SPTB: variants seen among roughly 807,000 people sequenced by gnomAD.
SPTB encodes the protein spectrin beta, erythrocytic, also known as spectrin beta chain, erythrocytic.
A neutral mutation model predicts 256.2 loss-of-function variants in SPTB; 45 were observed. The ratio of observed to expected loss-of-function variants is 0.18; its 90% CI spans 0.14 to 0.23. The LOEUF is 0.23. SPTB is among the 10% of genes least tolerant of loss of function. The pLI, the probability that SPTB is intolerant of heterozygous loss-of-function variation, is 1.00. For synonymous variants in SPTB, 1,231 were observed against 1,243.1 expected, an observed-to-expected ratio of 0.99 and a Z score of 0.21; for missense variants, 2,715 against 3,040.4, an observed-to-expected ratio of 0.89 and a Z score of 2.52.
At position 64,806,352 on chromosome 14, in the gene SPTB, G is replaced by C. The variant is rs1287782561; in HGVS notation, c.149-1262C>G. 6.6e-6 allele frequency among the ~76,000 whole-genome samples: 1 copy of C among 152,192 alleles called. No individual in the cohort carries two copies. The highest frequency in any genetic ancestry group is 1.5e-5 in the Non-Finnish European group (1 of 68,030). On this transcript the variant is annotated intron_variant, in intron 2 of 35. Coordinates refer to ENST00000644917, the MANE Select transcript of SPTB (RefSeq NM_001355436.2). The surrounding 1 kb of genome is among the most constrained non-coding windows in gnomAD (Gnocchi z 4.1). ...AGTGAGGCTGGGCCTGAGGGTTGTG[G>C]AGGATCCCTGGGGAGGGTACATGGC...
Position 64,749,119 on chromosome 14 carries a change from T to TGGAGGGGGCGTCG in SPTB, c.*174_*186dup, listed in dbSNP as rs2081898711. On this transcript the variant is annotated 3_prime_UTR_variant, in exon 36 of 36. Transcript: ENST00000644917. The surrounding 1 kb of genome is among the most constrained non-coding windows in gnomAD (Gnocchi z 4.7). Reference sequence around the variant, plus strand: ...AGCGGAGCCAGCGCGGGCGAGGGCATGGAGGGGGCGTCGGCCCAGGACACG... The same window carrying TGGAGGGGGCGTCG: ...AGCGGAGCCAGCGCGGGCGAGGGCATGGAGGGGGCGTCGGGAGGGGGCGTCGGCCCAGGACACG... 3.3e-6 allele frequency: 2 copies of TGGAGGGGGCGTCG among 601,888 alleles called. No homozygotes were observed. Among genetic ancestry groups the TGGAGGGGGCGTCG allele is most frequent in the Non-Finnish European group, 5.4e-6 (2 of 367,028 alleles). The allele number at this position is 601,888 out of a possible 1,614,324, so 37.3% of individuals were successfully genotyped here.
intron 32 of SPTB, chr14:64,755,605 TAC>T (rs749258081): frequency 6.6e-6 from 1 of 152,188 alleles, no homozygotes; most frequent in Non-Finnish European, 1.5e-5. Flanking sequence ...CCCAAGGTTA[TAC>T]TGTCGGAGTA....
chr14:64,879,069 G>A (rs2139841898), intron 1 of SPTB, among the ~76,000 whole-genome samples: 1 of 152,330 alleles, frequency 6.6e-6, no homozygotes, highest in African/African-American at 2.4e-5. Flanking sequence ...TCAAGACCAA[G>A]TTAGAGGAAG....
rs1340521360 is a variant in SPTB at position 64,772,626 on chromosome 14, C to G, written c.5507G>C (p.Arg1836Pro). The change falls in exon 26 of 36, where the codon CGG (arginine) becomes CCG (proline). Residue 1836 changes from arginine to proline, a missense_variant. By Grantham distance (103) the Arg-to-Pro change is moderately radical. Around this residue, in one of 4 missense-constraint regions of SPTB, gnomAD observed 2,239 missense variants for 2,384.4 expected, o/e 0.94. Coordinates refer to ENST00000644917, the MANE Select transcript of SPTB (RefSeq NM_001355436.2). The surrounding 1 kb of genome is among the most constrained non-coding windows in gnomAD (Gnocchi z 5.4). ...CTCCCGCTCGAAGGCTGTGTGCACC[C>G]GGTGGAAGGACTCGGCCGTGCTGGC... ...LDASTAESFH[R>P]VHTAFERELH... 6.2e-7 allele frequency: 1 copy of G among 1,612,538 alleles called. No homozygotes were observed. The highest frequency in any genetic ancestry group is 1.3e-5 in the African/African-American group (1 of 75,062).
intron 1 of SPTB, among the ~76,000 whole-genome samples, chr14:64,851,765 A>G (rs1006466793): frequency 2.0e-5 from 3 of 152,162 alleles, no homozygotes; most frequent in Non-Finnish European, 4.4e-5. Flanking sequence ...ACGCAGGAAT[A>G]GAAAACCAAA....
chr14:64,835,662 G>C (rs982084309), intron 1 of SPTB, among the ~76,000 whole-genome samples: 1 of 152,184 alleles, frequency 6.6e-6, no homozygotes, highest in Non-Finnish European at 1.5e-5. Context: ...CTAGTTACCA[G>C]CTCCTGCTGT....
rs1182270909 is a variant in SPTB at position 64,823,140 on chromosome 14, G to A, written c.-46C>T. The A allele has an allele frequency of 6.2e-7, 1 of 1,611,798 alleles. No individual in the cohort carries two copies. The highest frequency in any genetic ancestry group is 1.7e-5 in the Admixed American group (1 of 60,020). ...TCCGCCTGCCTCAGTCTTCATGGAAGGATCCCTGGGGGACAGCAACACAGT... is the reference window on the plus strand; with the variant it reads ...TCCGCCTGCCTCAGTCTTCATGGAAAGATCCCTGGGGGACAGCAACACAGT... On this transcript the variant is annotated 5_prime_UTR_variant, in exon 2 of 36. Coordinates refer to ENST00000644917, the MANE Select transcript of SPTB (RefSeq NM_001355436.2). The surrounding 1 kb of genome is among the most constrained non-coding windows in gnomAD (Gnocchi z 6.5).
rs1240526609 is a variant in SPTB at position 64,852,965 on chromosome 14, G to C, written c.-52+26827C>G. 1.3e-5 allele frequency among the ~76,000 whole-genome samples: 2 copies of C among 152,202 alleles called. No homozygotes were observed. The highest frequency in any genetic ancestry group is 2.9e-5 in the Non-Finnish European group (2 of 68,034). ...CAGAGTGCTGCCGAGGAGACGTATA[G>C]GTACTAGGCAAGCATTAACAGGGAG... On this transcript the variant is annotated intron_variant, in intron 1 of 35. Transcript: ENST00000644917. This position sits in a 1 kb window ranked among gnomAD's most constrained non-coding sequence, Gnocchi z 4.2.
rs2083952252 is a variant in SPTB at position 64,860,623 on chromosome 14, C to T, written c.-52+19169G>A. On this transcript the variant is annotated intron_variant, in intron 1 of 35. Transcript: ENST00000644917. ...AAAGAAAAAAGGATCGAGCCTGCCTCAGAACATTGTAGGACAGGTGCAATA... is the reference window on the plus strand; with the variant it reads ...AAAGAAAAAAGGATCGAGCCTGCCTTAGAACATTGTAGGACAGGTGCAATA... Among the ~76,000 whole-genome samples, 4 of 152,166 alleles carry T rather than the reference C, an allele frequency of 2.6e-5. No individual in the cohort carries two copies. The South Asian group carries it at 8.3e-4, about 31-fold the overall frequency.
intron 2 of SPTB, among the ~76,000 whole-genome samples, chr14:64,815,269 A>G (rs2083168932): frequency 3.1e-5 from 2 of 65,220 alleles, no homozygotes; most frequent in South Asian, 7.4e-4. Flanking sequence ...GGGAAGGGGC[A>G]TCTCCCATGA....
chr14:64,772,429 C>T lies in SPTB; in HGVS notation c.5553+151G>A. 1 of 1,055,604 alleles carries T rather than the reference C, an allele frequency of 9.5e-7. No individual in the cohort carries two copies. The allele number at this position is 1,055,604 out of a possible 1,614,324, so 65.4% of individuals were successfully genotyped here. On this transcript the variant is annotated intron_variant, in intron 26 of 35. Transcript: ENST00000644917. This position sits in a 1 kb window ranked among gnomAD's most constrained non-coding sequence, Gnocchi z 5.4. Reference sequence around the variant, plus strand: ...CTGAAGCTAAGGAACATCTGAAAGCCACTGCTCCCAGCCCTGAGCTCCTGG... The same window carrying T: ...CTGAAGCTAAGGAACATCTGAAAGCTACTGCTCCCAGCCCTGAGCTCCTGG...
chr14:64,799,266 G>C (rs1278007238), intron 9 of SPTB, among the ~76,000 whole-genome samples: 1 of 152,250 alleles, frequency 6.6e-6, no homozygotes, highest in Admixed American at 6.5e-5. Flanking sequence ...GTGGGGCAGA[G>C]GTCCTGAGAA....
At position 64,772,693 on chromosome 14, in the gene SPTB, C is replaced by T. The variant is rs1193527563; in HGVS notation, c.5440G>A (p.Asp1814Asn). The T allele has an allele frequency of 6.8e-6, 11 of 1,613,662 alleles. No individual in the cohort carries two copies. Among genetic ancestry groups the T allele is most frequent in the East Asian group, 2.2e-5 (1 of 44,892 alleles). ...YTGAEILGLI[D>N]EKHRELPEDV... ...TCGGGCAGCTCGCGGTGCTTCTCGT[C>T]GATGAGGCCCAGGATCTCGGCACCC... is the stretch of plus-strand genomic sequence containing the variant. The change falls in exon 26 of 36, where the codon GAC (aspartate) becomes AAC (asparagine). Residue 1814 changes from aspartate (D) to asparagine (N), a missense_variant. Physicochemically the swap from Asp to Asn is conservative, Grantham distance 23 (BLOSUM62 1). Around this residue, in one of 4 missense-constraint regions of SPTB, gnomAD observed 2,239 missense variants for 2,384.4 expected, o/e 0.94. Coordinates refer to ENST00000644917, the MANE Select transcript of SPTB (RefSeq NM_001355436.2). The surrounding 1 kb of genome is among the most constrained non-coding windows in gnomAD (Gnocchi z 5.4).
rs534913342 is a variant in SPTB at position 64,749,411 on chromosome 14, G to A, written c.6882C>T (p.Arg2294=). 8.1e-6 allele frequency: 13 copies of A among 1,607,672 alleles called. No individual in the cohort carries two copies. Among genetic ancestry groups the A allele is most frequent in the South Asian group, 5.5e-5 (5 of 91,030 alleles). ...STAINESQSI[R]VKAQSLPLPS... is the part of the protein sequence containing the mutation. ...GCAGGGGCAGGCTCTGCGCCTTGAC[G>A]CGGATGCTCTGGGACTCGTTGATGG... Residue 2294 remains arginine, a synonymous_variant, in exon 36 of 36, where the codon CGC becomes CGT. Coordinates refer to ENST00000644917, the MANE Select transcript of SPTB (RefSeq NM_001355436.2). The surrounding 1 kb of genome is among the most constrained non-coding windows in gnomAD (Gnocchi z 4.7).
intron 27 of SPTB, among the ~76,000 whole-genome samples, chr14:64,770,499 T>C (rs991639423): frequency 1.3e-5 from 2 of 152,184 alleles, no homozygotes; most frequent in African/African-American, 4.8e-5. Flanking sequence ...AGCTTCTTCC[T>C]GAGTTTTGGG....
chr14:64,812,539 T>C (rs1383494149), intron 2 of SPTB, among the ~76,000 whole-genome samples: 1 of 152,022 alleles, frequency 6.6e-6, no homozygotes, highest in African/African-American at 2.4e-5. Flanking sequence ...CTATGGGGGT[T>C]TAAAGCATAA....
At chr14:64,872,434 A>C (rs1001645038) in intron 1 of SPTB, among the ~76,000 whole-genome samples, 1 of 152,178 alleles carries the variant, frequency 6.6e-6, no homozygotes, top group African/African-American at 2.4e-5. Context: ...GGCCGCCAGA[A>C]AGATCTGCTT....
At position 64,772,719 on chromosome 14, in the gene SPTB, G is replaced by A. The variant is rs142051792; in HGVS notation, c.5414C>T (p.Thr1805Met). 3.6e-5 allele frequency: 58 copies of A among 1,613,824 alleles called. No individual in the cohort carries two copies. Among genetic ancestry groups the A allele is most frequent in the Admixed American group, 3.3e-4 (20 of 60,006 alleles). The change falls in exon 26 of 36, where the codon ACG (threonine) becomes ATG (methionine). Residue 1805 changes from threonine (T) to methionine (M), a missense_variant. Thr to Met is a moderately conservative substitution (Grantham distance 81, BLOSUM62 -1). Around this residue, in one of 4 missense-constraint regions of SPTB, gnomAD observed 2,239 missense variants for 2,384.4 expected, o/e 0.94. Coordinates refer to ENST00000644917, the MANE Select transcript of SPTB (RefSeq NM_001355436.2). The surrounding 1 kb of genome is among the most constrained non-coding windows in gnomAD (Gnocchi z 5.4). The stretch of plus-strand genomic sequence containing the variant: ...GATGAGGCCCAGGATCTCGGCACCC[G>A]TGTAGAAGTAGCGGTGCAGGTCATA... ...ASYDLHRYFY[T>M]GAEILGLIDE...
intron 1 of SPTB, among the ~76,000 whole-genome samples, chr14:64,874,489 C>T (rs930259788): frequency 2.0e-5 from 3 of 152,188 alleles, no homozygotes; most frequent in African/African-American, 7.2e-5. Context: ...GCCTTTCTAC[C>T]TCTAACTCTC....
Sources: allele counts gnomAD v4.1 joint callset (sites outside exome capture counted in the v4.1 genomes callset), GRCh38; gene constraint gnomAD v4.1.1; regional missense constraint gnomAD v4.1.1; non-coding constraint Gnocchi (gnomAD v3.1); transcripts MANE v1.5; gene names NCBI Gene and HGNC (gene_info 2026-07-23, HGNC 2026-07-21).